The following SAMD5 variants were observed in gnomAD, a reference collection of about 807,000 sequenced individuals.
SAMD5 encodes sterile alpha motif domain-containing protein 5.
SAMD5 carries 13 observed loss-of-function variants against 11.3 expected under a neutral mutation model. The observed-to-expected ratio is 1.15, with a 90% CI of 0.75 to 1.83. SAMD5 has a LOEUF of 1.83. Among genes scored for constraint, SAMD5 ranks in the 40% most tolerant of loss-of-function variants. SAMD5 has a pLI of 0.00. For synonymous variants in SAMD5, 129 were observed against 111.3 expected (o/e 1.16, Z -1.00); for missense variants, 255 against 239.1 (o/e 1.07, Z -0.44).
chr6:147,902,288 G>C, the SAMD5 span, among the ~76,000 whole-genome samples: 3 of 152,002 alleles, frequency 2.0e-5, no homozygotes, highest in Non-Finnish European at 4.4e-5. Context: ...ATAAAATCCA[G>C]TTAGGGTTTT....
At chr6:147,695,815 A>G (rs986070296) in intron 1 of SAMD5, among the ~76,000 whole-genome samples, 10 of 152,206 alleles carry the variant, frequency 6.6e-5, no homozygotes, top group Non-Finnish European at 2.9e-5. Context: ...TACCATATAT[A>G]TACTTTATAC....
At chr6:147,629,151 C>CA in intron 1 of SAMD5, among the ~76,000 whole-genome samples, 1 of 150,948 alleles carries the variant, frequency 6.6e-6, no homozygotes, top group Non-Finnish European at 1.5e-5. Context: ...AACAAACAAA[C>CA]AAAAAAACAT....
chr6:147,868,021 T>C, the SAMD5 span, among the ~76,000 whole-genome samples: 30,916 of 152,246 alleles, frequency 0.2, 3,551 homozygotes, highest in Non-Finnish European at 0.27. Context: ...TAATTCTTTA[T>C]GTTGCAAGAG....
chr6:147,750,034 G>A, the SAMD5 span, among the ~76,000 whole-genome samples: 1 of 152,110 alleles, frequency 6.6e-6, no homozygotes, highest in African/African-American at 2.4e-5. Flanking sequence ...GCCAGAAACT[G>A]GTTTATTATA....
the SAMD5 span, among the ~76,000 whole-genome samples, chr6:147,900,771 C>T: frequency 6.6e-6 from 1 of 152,096 alleles, no homozygotes; most frequent in Admixed American, 6.5e-5. Context: ...CAGATGACTC[C>T]CCAGATTAGA....
At chr6:147,768,414 C>T in the SAMD5 span, among the ~76,000 whole-genome samples, 1 of 152,174 alleles carries the variant, frequency 6.6e-6, no homozygotes, top group East Asian at 1.9e-4. Flanking sequence ...AAGAGAATCA[C>T]TTGAACCCGG....
chr6:147,821,339 C>T, the SAMD5 span, among the ~76,000 whole-genome samples: 1 of 152,194 alleles, frequency 6.6e-6, no homozygotes, highest in Non-Finnish European at 1.5e-5. Flanking sequence ...GCAGTGTAGG[C>T]AGCCGTTAGA....
chr6:147,918,154 A>G, the SAMD5 span, among the ~76,000 whole-genome samples: 2 of 152,204 alleles, frequency 1.3e-5, no homozygotes, highest in Admixed American at 1.3e-4. Flanking sequence ...TGCCTTGGAC[A>G]GTATGACCAT....
chr6:147,778,696 C>T, the SAMD5 span, among the ~76,000 whole-genome samples: 1 of 152,122 alleles, frequency 6.6e-6, no homozygotes, highest in Non-Finnish European at 1.5e-5. Flanking sequence ...GTTAAACAGC[C>T]CCTGCTCCCT....
At chr6:147,564,314 A>G (rs1333630071) in intron 1 of SAMD5, 80 bp from the exon 2 acceptor site, 1 of 755,074 alleles carries the variant, frequency 1.3e-6, no homozygotes, top group East Asian at 2.5e-5. Context: ...ACTTAAAAAT[A>G]GGAGCAGAAA....
At chr6:147,641,060 G>A (rs977161590) in intron 1 of SAMD5, among the ~76,000 whole-genome samples, 17 of 152,138 alleles carry the variant, frequency 1.1e-4, no homozygotes, top group Admixed American at 3.3e-4. Flanking sequence ...TCCAGTAGAC[G>A]TTAACAATGG....
chr6:147,599,061 G>A (rs1284296680), intron 1 of SAMD5, among the ~76,000 whole-genome samples: 1 of 152,216 alleles, frequency 6.6e-6, no homozygotes, highest in Non-Finnish European at 1.5e-5. Context: ...GAGAACCACA[G>A]CGGTGGAAGT....
chr6:147,783,089 C>T, the SAMD5 span, among the ~76,000 whole-genome samples: 1 of 152,074 alleles, frequency 6.6e-6, no homozygotes, highest in East Asian at 1.9e-4. Flanking sequence ...ATAAATAATA[C>T]AAATCTTCAT....
chr6:147,577,388 G>A (rs1162439038), intron 1 of SAMD5, among the ~76,000 whole-genome samples: 1 of 152,126 alleles, frequency 6.6e-6, no homozygotes, highest in Non-Finnish European at 1.5e-5. Context: ...TAATTTGATA[G>A]GTGTAATTAA....
the SAMD5 span, among the ~76,000 whole-genome samples, chr6:147,879,878 C>A: frequency 1.3e-5 from 2 of 152,284 alleles, no homozygotes; most frequent in East Asian, 3.9e-4. Flanking sequence ...GACGTGGTTT[C>A]TTTCCTTTTG....
chr6:147,592,682 A>G (rs1030332653), intron 1 of SAMD5, among the ~76,000 whole-genome samples: 7 of 151,876 alleles, frequency 4.6e-5, no homozygotes, highest in Non-Finnish European at 8.8e-5. Flanking sequence ...ACTGGGCAAG[A>G]TGCTTAGCAT....
At chr6:147,931,044 C>G in the SAMD5 span, among the ~76,000 whole-genome samples, 1 of 152,164 alleles carries the variant, frequency 6.6e-6, no homozygotes, top group Non-Finnish European at 1.5e-5. Context: ...TTAACCATCA[C>G]AGGAGTTACC....
intron 1 of SAMD5, among the ~76,000 whole-genome samples, chr6:147,695,455 G>A (rs1254745740): frequency 6.6e-6 from 1 of 152,170 alleles, no homozygotes; most frequent in African/African-American, 2.4e-5. Context: ...GACAGCTAGA[G>A]AATGCAGGCC....
intron 1 of SAMD5, among the ~76,000 whole-genome samples, chr6:147,725,922 C>T (rs1791619514): frequency 6.6e-6 from 1 of 152,174 alleles, no homozygotes. Context: ...GCTATTAACA[C>T]TGTTGGATCA....
Sources: allele counts gnomAD v4.1 joint callset (sites outside exome capture counted in the v4.1 genomes callset), GRCh38; gene constraint gnomAD v4.1.1; transcripts MANE v1.5; gene names NCBI Gene and HGNC (gene_info 2026-07-23, HGNC 2026-07-21).